CTNNA2: variants seen among roughly 807,000 people sequenced by gnomAD.
The protein encoded by CTNNA2 is catenin alpha-2.
In CTNNA2, 42 loss-of-function variants were observed where a neutral mutation model predicts 101.0. The observed-to-expected ratio is 0.42, with a 90% CI of 0.32 to 0.54. The LOEUF is 0.54. CTNNA2 is among the 20% of genes least tolerant of loss of function. The pLI is 0.14. For synonymous variants in CTNNA2, 450 were observed against 456.4 expected, an observed-to-expected ratio of 0.99 and a Z score of 0.18; for missense variants, 871 against 1,223.1, an observed-to-expected ratio of 0.71 and a Z score of 4.29.
chr2:80,485,608 A>G (rs1205777509), intron 9 of CTNNA2, among the ~76,000 whole-genome samples: 1 of 152,238 alleles, frequency 6.6e-6, no homozygotes, highest in African/African-American at 2.4e-5. Context: ...TTTCAGTAGA[A>G]CAAGAATGGA....
chr2:80,350,832 G>A (rs777590057), intron 7 of CTNNA2, among the ~76,000 whole-genome samples: 4 of 152,072 alleles, frequency 2.6e-5, no homozygotes, highest in Non-Finnish European at 4.4e-5. Context: ...AATATTAACA[G>A]CAGCCTCAAG....
intron 2 of CTNNA2, among the ~76,000 whole-genome samples, chr2:79,735,122 G>A (rs1331882695): frequency 6.6e-6 from 1 of 152,062 alleles, no homozygotes; most frequent in Non-Finnish European, 1.5e-5. Context: ...CAAACTAAAT[G>A]TTTCTCTCAT....
intron 7 of CTNNA2, among the ~76,000 whole-genome samples, chr2:80,040,541 T>C (rs1343089837): frequency 3.3e-5 from 5 of 152,180 alleles, no homozygotes; most frequent in Non-Finnish European, 7.3e-5. Context: ...TCACCATTAT[T>C]CAAATCAACT....
intron 7 of CTNNA2, among the ~76,000 whole-genome samples, chr2:80,385,078 G>T (rs1676874178): frequency 1.3e-5 from 2 of 151,828 alleles, no homozygotes; most frequent in Non-Finnish European, 2.9e-5. Context: ...TGCATTCCAG[G>T]TACAACTCCA....
intron 7 of CTNNA2, among the ~76,000 whole-genome samples, chr2:79,965,827 C>CAAAAAAAAAAAAAAAA (rs10686940): frequency 5.1e-4 from 40 of 77,968 alleles, no homozygotes; most frequent in South Asian, 1.0e-3. Flanking sequence ...GAGACTATGT[C>CAAAAAAAAAAAAAAAA]AAAAAAAAAA....
chr2:79,446,158 G>A (rs933584018), intron 4 of CTNNA2, among the ~76,000 whole-genome samples: 11 of 151,928 alleles, frequency 7.2e-5, no homozygotes, highest in African/African-American at 2.4e-4. Flanking sequence ...CCCTGAGATC[G>A]GAGAAAATGT....
intron 7 of CTNNA2, among the ~76,000 whole-genome samples, chr2:80,153,883 G>C (rs1483213410): frequency 6.6e-6 from 1 of 152,138 alleles, no homozygotes; most frequent in East Asian, 1.9e-4. Context: ...TGAAATATGA[G>C]AGTGAATATA....
chr2:79,384,403 TCTCTC>T (rs1226190915), intron 4 of CTNNA2, among the ~76,000 whole-genome samples: 162 of 76,068 alleles, frequency 2.1e-3, no homozygotes, highest in African/African-American at 5.5e-3. Flanking sequence ...TCTCTCTCTC[TCTCTC>T]TCTCTCTCTC....
At chr2:79,691,156 A>C (rs907161155) in intron 2 of CTNNA2, among the ~76,000 whole-genome samples, 2 of 152,024 alleles carry the variant, frequency 1.3e-5, no homozygotes, top group Non-Finnish European at 2.9e-5. Flanking sequence ...ATATAGAAAG[A>C]ACTGAAATAT....
chr2:79,431,400 C>T (rs1442746536), intron 4 of CTNNA2, among the ~76,000 whole-genome samples: 1 of 152,136 alleles, frequency 6.6e-6, no homozygotes, highest in Non-Finnish European at 1.5e-5. Context: ...AGATCTAATG[C>T]AGATCAGCTG....
At chr2:79,994,342 C>A (rs542292135) in intron 7 of CTNNA2, among the ~76,000 whole-genome samples, 86 of 152,282 alleles carry the variant, frequency 5.6e-4, no homozygotes, top group Non-Finnish European at 1.0e-4. Context: ...CCACGAGTTG[C>A]GACATAGTCA....
chr2:80,251,994 A>G (rs1671805031), intron 7 of CTNNA2, among the ~76,000 whole-genome samples: 1 of 152,206 alleles, frequency 6.6e-6, no homozygotes, highest in Non-Finnish European at 1.5e-5. Flanking sequence ...AATCCACATT[A>G]TTGCTTGCAA....
chr2:79,294,869 A>G (rs1041961448), intron 2 of CTNNA2, among the ~76,000 whole-genome samples: 1 of 152,114 alleles, frequency 6.6e-6, no homozygotes, highest in South Asian at 2.1e-4. Flanking sequence ...TTATCTGCTG[A>G]TTGACATATT....
At chr2:80,216,325 A>C (rs1162951880) in intron 7 of CTNNA2, among the ~76,000 whole-genome samples, 1 of 152,188 alleles carries the variant, frequency 6.6e-6, no homozygotes, top group Non-Finnish European at 1.5e-5. Flanking sequence ...GAAATGACCC[A>C]TCTTCTGCAT....
chr2:79,854,737 T>C (rs1283150387), intron 3 of CTNNA2, among the ~76,000 whole-genome samples: 4 of 152,226 alleles, frequency 2.6e-5, no homozygotes, highest in Non-Finnish European at 5.9e-5. Flanking sequence ...CGTGGAAATG[T>C]TGCTCTGAGT....
At chr2:79,873,373 A>G (rs1348401119) in intron 5 of CTNNA2, among the ~76,000 whole-genome samples, 2 of 152,246 alleles carry the variant, frequency 1.3e-5, no homozygotes, top group Admixed American at 6.5e-5. Flanking sequence ...GAGCCACTGA[A>G]TAAGAAAACT....
At chr2:80,024,436 G>A (rs1031659504) in intron 7 of CTNNA2, among the ~76,000 whole-genome samples, 1 of 152,202 alleles carries the variant, frequency 6.6e-6, no homozygotes, top group African/African-American at 2.4e-5. Context: ...GAGTAAGGGG[G>A]TGTCAGGCAG....
intron 18 of CTNNA2, among the ~76,000 whole-genome samples, chr2:80,641,739 A>G (rs1048399362): frequency 6.6e-6 from 1 of 152,110 alleles, no homozygotes; most frequent in Admixed American, 6.6e-5. Flanking sequence ...TTCAAGTAAA[A>G]TACTTGTTGA....
intron 7 of CTNNA2, among the ~76,000 whole-genome samples, chr2:80,064,890 G>A (rs557022289): frequency 1.3e-5 from 2 of 152,288 alleles, no homozygotes; most frequent in Admixed American, 6.5e-5. Context: ...GGAATAGCAG[G>A]ATTACAGGGC....
Sources: gnomAD v4.1 joint callset for allele counts (sites outside exome capture counted in the v4.1 genomes callset) on GRCh38, gnomAD v4.1.1 for gene constraint, MANE v1.5 for transcripts, NCBI Gene and HGNC (gene_info 2026-07-23, HGNC 2026-07-21) for gene names.